GNAQ: variants seen among roughly 807,000 people sequenced by gnomAD.
GNAQ encodes guanine nucleotide-binding protein G(q) subunit alpha.
GNAQ carries 8 observed loss-of-function variants against 43.9 expected under a neutral mutation model. That is an observed-to-expected ratio of 0.18 (90% CI 0.11 to 0.33). GNAQ has a LOEUF of 0.33. Ranked by LOEUF, GNAQ falls within the 10% of genes least tolerant of loss-of-function variation. The pLI, the probability that GNAQ is intolerant of heterozygous loss-of-function variation, is 1.00. For synonymous variants in GNAQ, 155 were observed against 170.7 expected (o/e 0.91, Z 0.71); for missense variants, 158 against 450.8 (o/e 0.35, Z 5.88).
intron 5 of GNAQ, among the ~76,000 whole-genome samples, chr9:77,788,182 A>G (rs760547039): frequency 1.9e-4 from 29 of 152,206 alleles, no homozygotes; most frequent in Non-Finnish European, 3.7e-4. Flanking sequence ...ATCAAAAACA[A>G]AAAGAAAACT....
intron 2 of GNAQ, among the ~76,000 whole-genome samples, chr9:77,884,033 C>A (rs1279331373): frequency 6.6e-6 from 1 of 152,206 alleles, no homozygotes; most frequent in African/African-American, 2.4e-5. Flanking sequence ...AGGGAGAATT[C>A]TCTAACTGCA....
chr9:77,786,560 GA>G, intron 5 of GNAQ, among the ~76,000 whole-genome samples: 1 of 152,160 alleles, frequency 6.6e-6, no homozygotes, highest in South Asian at 2.1e-4. Context: ...GAAGGGATGG[GA>G]CTCCAGTGAA....
intron 5 of GNAQ, among the ~76,000 whole-genome samples, chr9:77,773,037 C>T (rs552776173): frequency 1.1e-4 from 17 of 152,352 alleles, no homozygotes; most frequent in African/African-American, 3.8e-4. Context: ...ATGGGTTGGA[C>T]AAGCTTGTTA....
chr9:77,799,464 A>C (rs1826709151), intron 3 of GNAQ, among the ~76,000 whole-genome samples: 1 of 152,202 alleles, frequency 6.6e-6, no homozygotes, highest in African/African-American at 2.4e-5. Flanking sequence ...ATGCCAGACA[A>C]ATAGAACTTA....
intron 1 of GNAQ, among the ~76,000 whole-genome samples, chr9:77,995,117 C>T (rs902651030): frequency 1.3e-5 from 2 of 152,134 alleles, no homozygotes; most frequent in African/African-American, 4.8e-5. Context: ...TACCATGTGC[C>T]AAATTCTAAG....
At position 77,778,501 on chromosome 9, in the gene GNAQ, G is replaced by C. The variant is rs550111631; in HGVS notation, c.735+15962C>G. The stretch of plus-strand genomic sequence containing the variant: ...CAGTTAAAACCATAAGAGGCAGAAA[G>C]AGAGTGGAAGACAAAAATAGGAATA... On this transcript the variant is annotated intron_variant, in intron 5 of 6. Transcript: ENST00000286548. Among the ~76,000 whole-genome samples the C allele has an allele frequency of 2.0e-5, 3 of 151,968 alleles. No homozygotes were observed. In the South Asian group the frequency reaches 6.2e-4, roughly 31 times the overall value.
Position 77,797,505 on chromosome 9 carries a change from G to C in GNAQ, c.605+15C>G, listed in dbSNP as rs2118454757. 6.2e-7 allele frequency: 1 copy of C among 1,604,090 alleles called. No homozygotes were observed. Among genetic ancestry groups the C allele is most frequent in the Non-Finnish European group, 8.5e-7 (1 of 1,171,310 alleles). On this transcript the variant is annotated intron_variant, in intron 4 of 6. Coordinates refer to ENST00000286548, the MANE Select transcript of GNAQ (RefSeq NM_002072.5). ...ATAAAAGCTGGGAAATAGGTTTCAT[G>C]GACTCAGTTACTACCTGAAAATGAC...
At chr9:77,945,328 A>C (rs181443984) in intron 1 of GNAQ, among the ~76,000 whole-genome samples, 60 of 152,246 alleles carry the variant, frequency 3.9e-4, no homozygotes, top group African/African-American at 1.4e-3. Context: ...AAAAGTAAGA[A>C]AATAAGTAGT....
At chr9:77,726,947 C>T (rs1825405671) in intron 6 of GNAQ, among the ~76,000 whole-genome samples, 1 of 152,144 alleles carries the variant, frequency 6.6e-6, no homozygotes, top group South Asian at 2.1e-4. Flanking sequence ...CACAATTATC[C>T]AATTCTGCTG....
chr9:77,964,441 A>G lies in GNAQ; in HGVS notation c.137-42096T>C, dbSNP rs191082052. Among the ~76,000 whole-genome samples, 10 of 152,316 alleles carry G rather than the reference A, an allele frequency of 6.6e-5. No individual in the cohort carries two copies. In the East Asian group the frequency reaches 1.9e-3, roughly 29 times the overall value. On this transcript the variant is annotated intron_variant, in intron 1 of 6. Transcript: ENST00000286548. ...GAGGACTTTAACAACCCTGTTAACC[A>G]CTTAACCAAACTGACATAGGCTGCT...
At chr9:77,874,138 A>C (rs1296841616) in intron 2 of GNAQ, among the ~76,000 whole-genome samples, 2 of 152,040 alleles carry the variant, frequency 1.3e-5, no homozygotes, top group African/African-American at 4.8e-5. Context: ...AAAAACAAAA[A>C]AACAAGAAAG....
chr9:77,876,678 C>A (rs766159086), intron 2 of GNAQ, among the ~76,000 whole-genome samples: 2 of 152,138 alleles, frequency 1.3e-5, no homozygotes, highest in Non-Finnish European at 2.9e-5. Flanking sequence ...CTCATTTGAT[C>A]CTTATCTCTT....
At chr9:77,742,671 C>A (rs552330089) in intron 5 of GNAQ, among the ~76,000 whole-genome samples, 1 of 151,850 alleles carries the variant, frequency 6.6e-6, no homozygotes, top group African/African-American at 2.4e-5. Context: ...TAAACAAGTG[C>A]GATGGGTGAT....
At chr9:77,732,645 C>A (rs561906729) in intron 5 of GNAQ, among the ~76,000 whole-genome samples, 4 of 152,166 alleles carry the variant, frequency 2.6e-5, no homozygotes, top group Non-Finnish European at 4.4e-5. Flanking sequence ...GGATTACAGG[C>A]GTGAGCCACC....
At chr9:77,763,733 G>C (rs752447408) in intron 5 of GNAQ, among the ~76,000 whole-genome samples, 4 of 152,194 alleles carry the variant, frequency 2.6e-5, no homozygotes, top group Non-Finnish European at 4.4e-5. Context: ...TGTCTGCTGG[G>C]ATGATTCTGT....
At chr9:77,969,582 T>C (rs1823210970) in intron 1 of GNAQ, among the ~76,000 whole-genome samples, 1 of 152,222 alleles carries the variant, frequency 6.6e-6, no homozygotes, top group Non-Finnish European at 1.5e-5. Context: ...TTTATATAAG[T>C]ACATACTATG....
In GNAQ at chr9:77,813,266, A is replaced by C. The variant is rs113006166; in HGVS notation, c.476+2350T>G. 5.6e-3 allele frequency among the ~76,000 whole-genome samples: 856 copies of C among 152,272 alleles called. 1 individual carries two copies. Among genetic ancestry groups the C allele is most frequent in the African/African-American group, 0.019 (808 of 41,566 alleles). On this transcript the variant is annotated intron_variant, in intron 3 of 6. Transcript: ENST00000286548. ...CAATTTATCCTCATTCCCACTAGGG[A>C]AATGTAGAACTATTTAAAGAATAAT... is the stretch of plus-strand genomic sequence containing the variant.
intron 3 of GNAQ, among the ~76,000 whole-genome samples, chr9:77,814,090 T>C (rs989751653): frequency 6.6e-6 from 1 of 151,542 alleles, no homozygotes; most frequent in Non-Finnish European, 1.5e-5. Flanking sequence ...GGGAGATAGA[T>C]GGAATCTGAA....
At chr9:77,823,314 T>C (rs1827144655) in intron 2 of GNAQ, among the ~76,000 whole-genome samples, 1 of 152,176 alleles carries the variant, frequency 6.6e-6, no homozygotes, top group Non-Finnish European at 1.5e-5. Context: ...GTAAGTTATA[T>C]AATTTGTCAC....
Sources: gnomAD v4.1 joint callset for allele counts (sites outside exome capture counted in the v4.1 genomes callset) on GRCh38, gnomAD v4.1.1 for gene constraint, MANE v1.5 for transcripts, NCBI Gene and HGNC (gene_info 2026-07-23, HGNC 2026-07-21) for gene names.